The following NRXN1 variants were observed in gnomAD, a reference collection of about 807,000 sequenced individuals.
The protein encoded by NRXN1 is neurexin-1.
A neutral mutation model predicts 150.9 loss-of-function variants in NRXN1; 39 were observed. The observed-to-expected ratio is 0.26, with a 90% CI of 0.20 to 0.34. The LOEUF (loss-of-function observed/expected upper bound fraction) is 0.34. Among genes scored for constraint, NRXN1 ranks in the 10% least tolerant of loss-of-function variants. The pLI, the probability that NRXN1 is intolerant of heterozygous loss-of-function variation, is 1.00. For missense variants in NRXN1, 1,815 were observed against 1,949.9 expected (o/e 0.93, Z 1.30); for synonymous variants, 924 against 757.0 (o/e 1.22, Z -3.62).
intron 17 of NRXN1, among the ~76,000 whole-genome samples, chr2:50,329,669 A>T (rs2076694069): frequency 1.3e-4 from 3 of 22,416 alleles, no homozygotes; most frequent in African/African-American, 7.0e-4. Context: ...ATATATATAT[A>T]TATATTTTTT....
chr2:50,865,738 A>G (rs991848737), intron 5 of NRXN1, among the ~76,000 whole-genome samples: 6 of 122,882 alleles, frequency 4.9e-5, no homozygotes, highest in African/African-American at 1.9e-4. Context: ...TAAACATTTG[A>G]TAGTTTTTTT....
chr2:50,569,808 T>A (rs889736637), intron 8 of NRXN1, among the ~76,000 whole-genome samples: 1 of 152,200 alleles, frequency 6.6e-6, no homozygotes, highest in Non-Finnish European at 1.5e-5. Flanking sequence ...GGTATTCTTG[T>A]ATCAGACAGC....
intron 5 of NRXN1, among the ~76,000 whole-genome samples, chr2:50,844,510 A>G (rs1673348607): frequency 6.6e-6 from 1 of 152,186 alleles, no homozygotes; most frequent in African/African-American, 2.4e-5. Context: ...ACATGTACTC[A>G]GTTTGTCTTA....
chr2:50,967,575 T>C (rs1294772967), intron 2 of NRXN1, among the ~76,000 whole-genome samples: 3 of 151,992 alleles, frequency 2.0e-5, no homozygotes, highest in African/African-American at 7.2e-5. Context: ...GCCCAAAATA[T>C]GGAACAGGGC....
intron 5 of NRXN1, among the ~76,000 whole-genome samples, chr2:50,804,301 C>T (rs1032077110): frequency 6.6e-5 from 10 of 152,110 alleles, no homozygotes; most frequent in African/African-American, 2.4e-4. Flanking sequence ...TTTAAAATAA[C>T]AAGAGCTACC....
chr2:50,682,380 T>C (rs1430638645), intron 5 of NRXN1, among the ~76,000 whole-genome samples: 1 of 152,168 alleles, frequency 6.6e-6, no homozygotes, highest in Non-Finnish European at 1.5e-5. Context: ...CCATGTCTTC[T>C]TACTTTTTTA....
At chr2:50,206,156 C>T (rs1250605290) in intron 18 of NRXN1, among the ~76,000 whole-genome samples, 1 of 151,796 alleles carries the variant, frequency 6.6e-6, no homozygotes, top group Non-Finnish European at 1.5e-5. Context: ...AAATTTTCAA[C>T]TGCAAAAATT....
chr2:50,121,519 T>G (rs1482404627), intron 18 of NRXN1, among the ~76,000 whole-genome samples: 2 of 152,228 alleles, frequency 1.3e-5, no homozygotes, highest in Non-Finnish European at 2.9e-5. Context: ...CTACTCCATT[T>G]TATATAAGGG....
rs2077944681 is a variant in NRXN1 at position 50,346,117 on chromosome 2, A to C, written c.3365-109147T>G. On this transcript the variant is annotated intron_variant, in intron 17 of 22. Coordinates refer to ENST00000401669, the MANE Select transcript of NRXN1 (RefSeq NM_001330078.2). The surrounding 1 kb of genome is among the most constrained non-coding windows in gnomAD (Gnocchi z 5.0). ...CCCTCCTAGCTTTTCTAATTAAGGG[A>C]AGGCGTGGGGGCAAAAGTAATTGGC... Among the ~76,000 whole-genome samples, 1 of 152,174 alleles carries C rather than the reference A, an allele frequency of 6.6e-6. No individual in the cohort carries two copies. The highest frequency in any genetic ancestry group is 6.5e-5 in the Admixed American group (1 of 15,286).
chr2:50,346,890 G>A lies in NRXN1; in HGVS notation c.3365-109920C>T. 7.6e-7 allele frequency: 1 copy of A among 1,315,082 alleles called. No homozygotes were observed. The highest frequency in any genetic ancestry group is 9.7e-7 in the Non-Finnish European group (1 of 1,033,100). 81.5% of individuals were successfully genotyped at this position (1,315,082 alleles called of 1,614,324 possible). A position where few individuals can be genotyped will look rare whatever the true frequency, so the allele number is the denominator to read the frequency against. On this transcript the variant is annotated intron_variant, in intron 17 of 22. Transcript: ENST00000401669. This position sits in a 1 kb window ranked among gnomAD's most constrained non-coding sequence, Gnocchi z 5.0. ...CCCCTGCGCCGCCGCCGCCGCCGCC[G>A]CCGCCGCCGCCCCCGGGCGAGCCCA...
intron 5 of NRXN1, among the ~76,000 whole-genome samples, chr2:50,661,437 A>G (rs1226647957): frequency 3.9e-5 from 6 of 152,090 alleles, no homozygotes; most frequent in Admixed American, 3.3e-4. Flanking sequence ...TTCAGAAGCC[A>G]GTTTTATTCC....
At chr2:49,996,077 G>C (rs959752362) in intron 21 of NRXN1, among the ~76,000 whole-genome samples, 15 of 152,096 alleles carry the variant, frequency 9.9e-5, no homozygotes, top group African/African-American at 1.4e-4. Context: ...ATGAGACACA[G>C]AAAATGCCTT....
At chr2:50,551,050 G>GGAAGAGGAAGAGGAAGAA (rs1335681510) in intron 9 of NRXN1, among the ~76,000 whole-genome samples, 22 of 79,008 alleles carry the variant, frequency 2.8e-4, no homozygotes, top group African/African-American at 9.5e-4. Context: ...AAGAGGAAGA[G>GGAAGAGGAAGAGGAAGAA]GAAGAAGAAG....
chr2:49,942,841 C>T (rs887129807), intron 22 of NRXN1, among the ~76,000 whole-genome samples: 7 of 152,026 alleles, frequency 4.6e-5, no homozygotes, highest in African/African-American at 7.2e-5. Flanking sequence ...AACTCCTGAC[C>T]GCAAGTGATC....
chr2:50,775,003 T>G lies in NRXN1; in HGVS notation c.832+146866A>C, dbSNP rs545252287. Among the ~76,000 whole-genome samples the G allele has an allele frequency of 2.4e-4, 36 of 152,252 alleles. 1 individual carries two copies. In the South Asian group the frequency reaches 5.6e-3, roughly 24 times the overall value. On this transcript the variant is annotated intron_variant, in intron 5 of 22. Transcript: ENST00000401669. ...ATTTTTCTTGCCTTGTCTTTACCAC[T>G]AGTATATTAATTCTTAAGCCCAAGA...
Position 50,624,825 on chromosome 2 carries a change from AG to A in NRXN1, c.833-1211del, listed in dbSNP as rs1680721383. ...TTCTTTACCAGATTTAGGAGTAACA[AG>A]GCGGCTCTCACGAGATGCTAGACAG... On this transcript the variant is annotated intron_variant, in intron 5 of 22. Coordinates refer to ENST00000401669, the MANE Select transcript of NRXN1 (RefSeq NM_001330078.2). 2.6e-5 allele frequency: 4 copies of A among 152,150 alleles called. No individual in the cohort carries two copies. The South Asian group carries it at 8.3e-4, about 32-fold the overall frequency. 9.4% of individuals were successfully genotyped at this position (152,150 alleles called of 1,614,324 possible).
Position 50,147,616 on chromosome 2 carries a change from T to C in NRXN1, c.3547-56122A>G, listed in dbSNP as rs545030362. On this transcript the variant is annotated intron_variant, in intron 18 of 22. Coordinates refer to ENST00000401669, the MANE Select transcript of NRXN1 (RefSeq NM_001330078.2). Reference sequence around the variant, plus strand: ...TGATTGACTGTAATATGAAGTCACGTGTGGAAAAAACAAAACTACACCCTG... The same window carrying C: ...TGATTGACTGTAATATGAAGTCACGCGTGGAAAAAACAAAACTACACCCTG... 2.0e-5 allele frequency among the ~76,000 whole-genome samples: 3 copies of C among 151,658 alleles called. No homozygotes were observed. The East Asian group carries it at 5.8e-4, about 30-fold the overall frequency.
chr2:50,770,375 A>G (rs1391188618), intron 5 of NRXN1, among the ~76,000 whole-genome samples: 4 of 151,730 alleles, frequency 2.6e-5, no homozygotes, highest in African/African-American at 7.3e-5. Context: ...TTCCCCTTTC[A>G]AGAACAACAG....
chr2:50,865,788 C>T (rs74716187), intron 5 of NRXN1, among the ~76,000 whole-genome samples: 1 of 138,868 alleles, frequency 7.2e-6, no homozygotes, highest in Admixed American at 8.1e-5. Context: ...CTATTAACTG[C>T]TTACTGGGAA....
Sources: allele counts gnomAD v4.1 joint callset (sites outside exome capture counted in the v4.1 genomes callset), GRCh38; gene constraint gnomAD v4.1.1; non-coding constraint Gnocchi (gnomAD v3.1); transcripts MANE v1.5; gene names NCBI Gene and HGNC (gene_info 2026-07-23, HGNC 2026-07-21).